CNTN5: variants seen among roughly 807,000 people sequenced by gnomAD.
CNTN5 encodes the protein contactin-5.
A neutral mutation model predicts 129.1 loss-of-function variants in CNTN5; 77 were observed. That is an observed-to-expected ratio of 0.60 (90% CI 0.50 to 0.72). The LOEUF (loss-of-function observed/expected upper bound fraction) is 0.72. Ranked by LOEUF, CNTN5 falls within the 30% of genes least tolerant of loss-of-function variation. The probability of loss-of-function intolerance (pLI) is 0.00; values close to 1 mark genes in which losing one functional copy is unlikely to be tolerated. For synonymous variants in CNTN5, 509 were observed against 465.6 expected, an observed-to-expected ratio of 1.09 and a Z score of -1.20; for missense variants, 1,478 against 1,328.8, an observed-to-expected ratio of 1.11 and a Z score of -1.75.
intron 3 of CNTN5, among the ~76,000 whole-genome samples, chr11:99,632,288 A>C (rs1951388198): frequency 6.6e-6 from 1 of 152,160 alleles, no homozygotes; most frequent in South Asian, 2.1e-4. Context: ...GTTCATAGTA[A>C]TTATCATTAA....
At chr11:99,374,399 C>T (rs1179104178) in intron 2 of CNTN5, among the ~76,000 whole-genome samples, 4 of 152,200 alleles carry the variant, frequency 2.6e-5, no homozygotes, top group South Asian at 4.1e-4. Context: ...TAATTAACTT[C>T]CCTTGGTCTC....
intron 20 of CNTN5, among the ~76,000 whole-genome samples, chr11:100,306,275 T>C (rs550371116): frequency 1.3e-5 from 2 of 151,830 alleles, no homozygotes; most frequent in East Asian, 1.9e-4. Flanking sequence ...TTATTTACTT[T>C]AACATTTTTT....
rs539280637 is a variant in CNTN5, at chr11:99,744,884, A to G, written c.56-74660A>G. On this transcript the variant is annotated intron_variant, in intron 3 of 24. Coordinates refer to ENST00000524871, the MANE Select transcript of CNTN5 (RefSeq NM_014361.4). ...AATAGTTGGCTTATCTGCCAATGCC[A>G]TAGCTGCATATTAAGACCTAAATTC... Among the ~76,000 whole-genome samples the G allele has an allele frequency of 2.0e-5, 3 of 152,020 alleles. No individual in the cohort carries two copies. The South Asian group carries it at 6.2e-4, about 32-fold the overall frequency.
chr11:100,189,786 T>C (rs1243125291), intron 13 of CNTN5, among the ~76,000 whole-genome samples: 1 of 152,162 alleles, frequency 6.6e-6, no homozygotes, highest in Non-Finnish European at 1.5e-5. Flanking sequence ...GTTTTTCAAA[T>C]GTTTTAAGCT....
At chr11:99,717,569 T>C (rs546172638) in intron 3 of CNTN5, among the ~76,000 whole-genome samples, 26 of 152,206 alleles carry the variant, frequency 1.7e-4, no homozygotes, top group African/African-American at 6.3e-4. Flanking sequence ...TTTAAATTTT[T>C]TAATTAAACA....
intron 13 of CNTN5, among the ~76,000 whole-genome samples, chr11:100,185,977 G>C (rs1948290048): frequency 1.3e-5 from 2 of 152,186 alleles, no homozygotes; most frequent in South Asian, 4.1e-4. Flanking sequence ...ATCGCAATGG[G>C]TAAACAGACG....
chr11:100,230,043 CA>C (rs1393993077), intron 16 of CNTN5, among the ~76,000 whole-genome samples: 1 of 152,098 alleles, frequency 6.6e-6, no homozygotes, highest in Non-Finnish European at 1.5e-5. Context: ...GTCAAAAAGA[CA>C]ATGACAAATG....
chr11:99,086,279 T>G (rs2135300719), intron 1 of CNTN5, among the ~76,000 whole-genome samples: 1 of 152,328 alleles, frequency 6.6e-6, no homozygotes, highest in African/African-American at 2.4e-5. Flanking sequence ...CTCAATAGAC[T>G]GTGATCTTTT....
At chr11:99,292,744 A>G (rs1161732672) in intron 1 of CNTN5, among the ~76,000 whole-genome samples, 3 of 152,140 alleles carry the variant, frequency 2.0e-5, no homozygotes, top group African/African-American at 7.2e-5. Context: ...ATCTAGGCTT[A>G]CCAGCCTTGA....
In CNTN5 at chr11:99,238,317, A is replaced by G. The variant is rs1014559544; in HGVS notation, c.-209-87029A>G. Among the ~76,000 whole-genome samples, 5 of 152,300 alleles carry G rather than the reference A, an allele frequency of 3.3e-5. No individual in the cohort carries two copies. In the East Asian group the frequency reaches 9.6e-4, roughly 29 times the overall value. ...AGAAAGTGATTGGTTTATATAAAAA[A>G]CATGGGGCGTTTGACCTTGATTTTT... On this transcript the variant is annotated intron_variant, in intron 1 of 24. Transcript: ENST00000524871.
intron 9 of CNTN5, among the ~76,000 whole-genome samples, chr11:100,049,306 C>A (rs900383229): frequency 2.0e-5 from 3 of 151,436 alleles, no homozygotes; most frequent in African/African-American, 7.3e-5. Context: ...GAAGGAGAAC[C>A]GGTAAGCATA....
chr11:99,588,397 T>C (rs556666085), intron 3 of CNTN5, among the ~76,000 whole-genome samples: 12 of 146,992 alleles, frequency 8.2e-5, no homozygotes, highest in East Asian at 2.0e-4. Context: ...TTTATGTAAA[T>C]GGCATTTTGT....
At chr11:100,018,911 T>C (rs1193683994) in intron 9 of CNTN5, among the ~76,000 whole-genome samples, 1 of 151,986 alleles carries the variant, frequency 6.6e-6, no homozygotes, top group Non-Finnish European at 1.5e-5. Context: ...CAGTGACTAA[T>C]GATATTGACT....
At chr11:99,564,558 T>C (rs761415000) in intron 3 of CNTN5, among the ~76,000 whole-genome samples, 2 of 152,228 alleles carry the variant, frequency 1.3e-5, no homozygotes, top group Non-Finnish European at 2.9e-5. Context: ...TTTAGTTTTC[T>C]TAATATGAAA....
At chr11:99,538,716 T>TA (rs1397362865) in intron 2 of CNTN5, among the ~76,000 whole-genome samples, 5 of 152,230 alleles carry the variant, frequency 3.3e-5, no homozygotes, top group Admixed American at 2.0e-4. Context: ...CTGCTCTAGG[T>TA]ATCTGCTGCA....
intron 1 of CNTN5, among the ~76,000 whole-genome samples, chr11:99,321,159 G>A (rs926688632): frequency 6.6e-6 from 1 of 151,294 alleles, no homozygotes; most frequent in Non-Finnish European, 1.5e-5. Flanking sequence ...GCACATCTTG[G>A]GACTTGTCAG....
At chr11:99,591,499 G>A (rs1033595097) in intron 3 of CNTN5, among the ~76,000 whole-genome samples, 23 of 151,688 alleles carry the variant, frequency 1.5e-4, no homozygotes, top group Admixed American at 3.3e-4. Context: ...CACCATGCCC[G>A]GCTAATTTTT....
chr11:99,452,624 T>C (rs2726398), intron 2 of CNTN5, among the ~76,000 whole-genome samples: 77,525 of 151,110 alleles, frequency 0.51, 20,286 homozygotes, highest in East Asian at 0.64. Flanking sequence ...TGCCCGCCCT[T>C]GGCCTCCCAA....
At chr11:99,539,447 T>C (rs1948017241) in intron 2 of CNTN5, among the ~76,000 whole-genome samples, 2 of 152,092 alleles carry the variant, frequency 1.3e-5, no homozygotes, top group African/African-American at 4.8e-5. Context: ...TAAACATTAA[T>C]AATTGTTCTT....
Sources: gnomAD v4.1 joint callset for allele counts (sites outside exome capture counted in the v4.1 genomes callset) on GRCh38, gnomAD v4.1.1 for gene constraint, MANE v1.5 for transcripts, NCBI Gene and HGNC (gene_info 2026-07-23, HGNC 2026-07-21) for gene names.